Variants in MINDY4B observed in about 807,000 individuals in gnomAD.
The protein encoded by MINDY4B is inactive ubiquitin carboxyl-terminal hydrolase MINDY-4B.
MINDY4B carries 25 observed loss-of-function variants against 16.7 expected under a neutral mutation model. The ratio of observed to expected loss-of-function variants is 1.49; its 90% CI spans 1.09 to 2.09. MINDY4B has a LOEUF of 2.09. Among genes scored for constraint, MINDY4B ranks in the 30% most tolerant of loss-of-function variants. MINDY4B has a pLI of 0.00. For synonymous variants in MINDY4B, 132 were observed against 61.9 expected, an observed-to-expected ratio of 2.13 and a Z score of -5.32; for missense variants, 327 against 168.4, an observed-to-expected ratio of 1.94 and a Z score of -5.21.
At chr3:150,878,266 G>C (rs1165108541) in intron 10 of MINDY4B, among the ~76,000 whole-genome samples, 2 of 152,116 alleles carry the variant, frequency 1.3e-5, no homozygotes, top group Non-Finnish European at 2.9e-5. Flanking sequence ...AAATAAACTT[G>C]ACTATAAATA....
At chr3:150,875,435 G>A (rs1042708909) in intron 10 of MINDY4B, among the ~76,000 whole-genome samples, 2 of 152,174 alleles carry the variant, frequency 1.3e-5, no homozygotes, top group Non-Finnish European at 2.9e-5. Context: ...TTTTAATCTA[G>A]TGATATTCCC....
In MINDY4B at chr3:150,870,977, C is replaced by T. The variant is rs895103492; in HGVS notation, c.*68G>A. ...AGAAATATGGAAACGATTGGTCTCC[C>T]CCACATTAGGCTTTTGCATCCCAGC... On this transcript the variant is annotated 3_prime_UTR_variant, in exon 12 of 12. Coordinates refer to ENST00000465419, the MANE Select transcript of MINDY4B (RefSeq NM_001351281.2). 9.2e-6 allele frequency: 6 copies of T among 654,828 alleles called. No individual in the cohort carries two copies. The highest frequency in any genetic ancestry group is 1.4e-5 in the Non-Finnish European group (5 of 363,248). The allele number at this position is 654,828 out of a possible 1,614,324, so 40.6% of individuals were successfully genotyped here. A position where few individuals can be genotyped will look rare whatever the true frequency, so the allele number is the denominator to read the frequency against.
chr3:150,902,433 G>A (rs1277336835), intron 3 of MINDY4B, among the ~76,000 whole-genome samples: 1 of 152,158 alleles, frequency 6.6e-6, no homozygotes, highest in African/African-American at 2.4e-5. Flanking sequence ...GATTTCAAGG[G>A]CTACACTGGA....
At chr3:150,893,711 G>A (rs1195775600) in intron 4 of MINDY4B, among the ~76,000 whole-genome samples, 1 of 108,612 alleles carries the variant, frequency 9.2e-6, no homozygotes. Context: ...GGGGGGGTGG[G>A]GTGCAGTCTT....
chr3:150,896,936 G>A (rs6767398), intron 3 of MINDY4B, among the ~76,000 whole-genome samples: 24,927 of 152,162 alleles, frequency 0.16, 3,277 homozygotes, highest in African/African-American at 0.36. Flanking sequence ...TAATGAAAAT[G>A]AAACAATGCT....
intron 11 of MINDY4B, among the ~76,000 whole-genome samples, chr3:150,872,481 C>T (rs1018929617): frequency 3.3e-5 from 5 of 152,164 alleles, no homozygotes; most frequent in South Asian, 2.1e-4. Context: ...ATACCTCGTC[C>T]GGGGGTCAAT....
chr3:150,900,989 C>T (rs1005591993), intron 3 of MINDY4B, among the ~76,000 whole-genome samples: 2 of 152,228 alleles, frequency 1.3e-5, no homozygotes, highest in African/African-American at 4.8e-5. Context: ...CTGCCATCCA[C>T]GTCTCCCTTG....
At chr3:150,881,227 T>C (rs1337265379) in intron 10 of MINDY4B, among the ~76,000 whole-genome samples, 1 of 151,258 alleles carries the variant, frequency 6.6e-6, no homozygotes, top group Non-Finnish European at 1.5e-5. Context: ...CTACTAAAAA[T>C]ACAAAAATTA....
intron 10 of MINDY4B, among the ~76,000 whole-genome samples, chr3:150,879,199 G>A (rs1452597081): frequency 6.6e-6 from 1 of 152,088 alleles, no homozygotes; most frequent in Non-Finnish European, 1.5e-5. Flanking sequence ...GGCCAATTCT[G>A]CACACCATGG....
At chr3:150,878,666 C>T (rs1711500620) in intron 10 of MINDY4B, among the ~76,000 whole-genome samples, 1 of 152,216 alleles carries the variant, frequency 6.6e-6, no homozygotes, top group Admixed American at 6.5e-5. Flanking sequence ...CTAGCCTGGG[C>T]AGTTTCCATC....
chr3:150,897,380 T>G (rs997281256), intron 3 of MINDY4B, among the ~76,000 whole-genome samples: 33 of 130,340 alleles, frequency 2.5e-4, no homozygotes, highest in African/African-American at 9.1e-4. Context: ...GGCCAAGGGG[T>G]AGGAAGAAGA....
chr3:150,882,104 C>T (rs1430900099), intron 10 of MINDY4B, among the ~76,000 whole-genome samples: 11 of 152,298 alleles, frequency 7.2e-5, no homozygotes, highest in Non-Finnish European at 1.5e-5. Context: ...GACATCTGAA[C>T]TGGTTTCAAG....
intron 7 of MINDY4B, among the ~76,000 whole-genome samples, chr3:150,887,055 C>T (rs1428445466): frequency 6.6e-6 from 1 of 152,146 alleles, no homozygotes; most frequent in Non-Finnish European, 1.5e-5. Flanking sequence ...AATAGATTAA[C>T]AACAATAATA....
At chr3:150,902,620 A>G (rs551503501) in intron 3 of MINDY4B, among the ~76,000 whole-genome samples, 1 of 152,330 alleles carries the variant, frequency 6.6e-6, no homozygotes, top group East Asian at 1.9e-4. Flanking sequence ...AGATGCCTTT[A>G]GTTTTGCCTC....
At position 150,905,407 on chromosome 3, in the gene MINDY4B, G is replaced by A. The variant is rs1173615434; in HGVS notation, c.33C>T (p.Ser11=). 1 of 398,506 alleles carries A rather than the reference G, an allele frequency of 2.5e-6. No homozygotes were observed. Among genetic ancestry groups the A allele is most frequent in the Non-Finnish European group, 4.4e-6 (1 of 225,992 alleles). 24.7% of individuals were successfully genotyped at this position (398,506 alleles called of 1,614,324 possible). A position where few individuals can be genotyped will look rare whatever the true frequency, so the allele number is the denominator to read the frequency against. The part of the protein sequence containing the change: MDMEVLGQEQ[S]SEQLDLEEIS... ...TCTCCTCTAAATCCAGCTGTTCGGA[G>A]CTTTGTTCCTGGCCCAAGACCTCCA... Residue 11 remains serine, a synonymous_variant, in exon 1 of 12, where the codon AGC becomes AGT. Coordinates refer to ENST00000465419, the MANE Select transcript of MINDY4B (RefSeq NM_001351281.2).
chr3:150,871,146 T>G lies in MINDY4B; in HGVS notation c.1282A>C (p.Lys428Gln), dbSNP rs1716956521. The G allele has an allele frequency of 4.3e-6, 3 of 702,844 alleles. No homozygotes were observed. In the East Asian group the frequency reaches 8.0e-5, roughly 19 times the overall value. 43.5% of individuals were successfully genotyped at this position (702,844 alleles called of 1,614,324 possible). Residue 428 changes from lysine (K) to glutamine (Q), a missense_variant, in exon 12 of 12, where the codon AAA becomes CAA. Lys to Gln is a moderately conservative substitution (Grantham distance 53). Coordinates refer to ENST00000465419, the MANE Select transcript of MINDY4B (RefSeq NM_001351281.2). The stretch of plus-strand genomic sequence containing the variant: ...GAAAACCGTCGTCTTGGTCCATGTT[T>G]CTCTTCCTGTTGGTCTCTTTCCCAG... Reference protein sequence around the residue: ...HHWERDQQEEKHGPRRRFSPV... With the variant: ...HHWERDQQEEQHGPRRRFSPV...
intron 7 of MINDY4B, among the ~76,000 whole-genome samples, chr3:150,887,783 T>C (rs1278759241): frequency 1.3e-5 from 2 of 152,162 alleles, no homozygotes; most frequent in Non-Finnish European, 2.9e-5. Flanking sequence ...TCTCACAGTT[T>C]GGGAAGCTAG....
intron 9 of MINDY4B, 134 bp from the exon 10 acceptor site, chr3:150,883,192 A>G (rs1711550135): frequency 1.8e-6 from 1 of 569,470 alleles, no homozygotes; most frequent in Non-Finnish European, 3.1e-6. Context: ...TTCAGGAAAA[A>G]TATGTCCTAA....
intron 3 of MINDY4B, among the ~76,000 whole-genome samples, chr3:150,897,041 C>T (rs1279271366): frequency 6.6e-6 from 1 of 152,154 alleles, no homozygotes; most frequent in East Asian, 1.9e-4. Flanking sequence ...GTGTACTGCC[C>T]TTTACTGTAC....
Sources: allele counts gnomAD v4.1 joint callset (sites outside exome capture counted in the v4.1 genomes callset), GRCh38; gene constraint gnomAD v4.1.1; transcripts MANE v1.5; gene names NCBI Gene and HGNC (gene_info 2026-07-23, HGNC 2026-07-21).